CYP1B1: variants seen among roughly 807,000 people sequenced by gnomAD.
CYP1B1 encodes cytochrome P450 1B1.
Under a neutral mutation model 29.9 loss-of-function variants are expected in CYP1B1, and 22 were observed. The ratio of observed to expected loss-of-function variants is 0.74; its 90% CI spans 0.53 to 1.05. CYP1B1 has a LOEUF of 1.05. CYP1B1 is among the 50% of genes least tolerant of loss of function. The pLI is 0.00. For missense variants in CYP1B1, 883 were observed against 746.9 expected (o/e 1.18, Z -2.12); for synonymous variants, 375 against 320.0 (o/e 1.17, Z -1.83).
rs1048169107 is a variant in CYP1B1 at position 38,067,934 on chromosome 2, A to C, written c.*2788T>G. ...CTGCTATGCAACTATTTGATCTAAT[A>C]TAGATCTACTAGGAAAATATTAAGG... On this transcript the variant is annotated 3_prime_UTR_variant, in exon 3 of 3. Transcript: ENST00000610745. The C allele has an allele frequency of 1.6e-5, 3 of 192,578 alleles. No homozygotes were observed. The highest frequency in any genetic ancestry group is 7.0e-5 in the African/African-American group (3 of 43,162). The allele number at this position is 192,578 out of a possible 1,614,324, so 11.9% of individuals were successfully genotyped here. A position where few individuals can be genotyped will look rare whatever the true frequency, so the allele number is the denominator to read the frequency against.
At position 38,074,916 on chromosome 2, in the gene CYP1B1, C is replaced by T; in HGVS notation, c.473G>A (p.Arg158His). ...AHSMMRNFFT[R>H]QPRSRQVLEG... ...GAGGACTTGGCGGCTGCGCGGCTGGCGCGTGAAGAAGTTGCGCATCATGCT... is the reference window on the plus strand; with the variant it reads ...GAGGACTTGGCGGCTGCGCGGCTGGTGCGTGAAGAAGTTGCGCATCATGCT... Residue 158 changes from arginine (R) to histidine (H), a missense_variant, in exon 2 of 3, where the codon CGC becomes CAC. Coordinates refer to ENST00000610745, the MANE Select transcript of CYP1B1 (RefSeq NM_000104.4). 1.3e-6 allele frequency: 2 copies of T among 1,556,340 alleles called. No individual in the cohort carries two copies. Among genetic ancestry groups the T allele is most frequent in the Non-Finnish European group, 8.6e-7 (1 of 1,156,380 alleles).
At chr2:38,071,462 A>C in intron 2 of CYP1B1, 152 bp from the exon 3 acceptor site, 1 of 757,004 alleles carries the variant, frequency 1.3e-6, no homozygotes, top group Non-Finnish European at 2.3e-6. Context: ...AAAAAATCTA[A>C]AACAGCTTCC....
At chr2:38,072,458 A>T (rs951511384) in intron 2 of CYP1B1, among the ~76,000 whole-genome samples, 1 of 152,234 alleles carries the variant, frequency 6.6e-6, no homozygotes, top group African/African-American at 2.4e-5. Context: ...ATAACTATAC[A>T]TTATCATAGC....
chr2:38,070,572 A>T lies in CYP1B1; in HGVS notation c.*150T>A, dbSNP rs1682406985. The T allele has an allele frequency of 2.7e-6, 2 of 739,164 alleles. No individual in the cohort carries two copies. The highest frequency in any genetic ancestry group is 4.4e-5 in the Admixed American group (2 of 45,920). The allele number at this position is 739,164 out of a possible 1,614,324, so 45.8% of individuals were successfully genotyped here. A position where few individuals can be genotyped will look rare whatever the true frequency, so the allele number is the denominator to read the frequency against. On this transcript the variant is annotated 3_prime_UTR_variant, in exon 3 of 3. Coordinates refer to ENST00000610745, the MANE Select transcript of CYP1B1 (RefSeq NM_000104.4). ...ACTCATGAAGAACCGCTGGGTATGGAGCACACCTCACCTGATGGACAGTTG... is the reference window on the plus strand; with the variant it reads ...ACTCATGAAGAACCGCTGGGTATGGTGCACACCTCACCTGATGGACAGTTG...
rs1286605019 is a variant in CYP1B1, at chr2:38,070,640, G to C, written c.*82C>G. ...ACGCTAATTGAGAAGCAGCACAAAA[G>C]AGGAACTGGAAAAAAACTGAATTTT... On this transcript the variant is annotated 3_prime_UTR_variant, in exon 3 of 3. Transcript: ENST00000610745. 22 of 1,218,694 alleles carry C rather than the reference G, an allele frequency of 1.8e-5. No homozygotes were observed. The Admixed American group carries it at 3.2e-4, about 18-fold the overall frequency. 75.5% of individuals were successfully genotyped at this position (1,218,694 alleles called of 1,614,324 possible).
At chr2:38,071,394 A>G (rs1682431529) in intron 2 of CYP1B1, 84 bp from the exon 3 acceptor site, 2 of 1,315,502 alleles carry the variant, frequency 1.5e-6, no homozygotes, top group Admixed American at 3.9e-5. Flanking sequence ...ATTTATTTTA[A>G]TTCCACTTTT....
Position 38,075,095 on chromosome 2 carries a change from A to G in CYP1B1, c.294T>C (p.Asn98=), listed in dbSNP as rs781037234. The change falls in exon 2 of 3, where the codon AAT becomes AAC. Residue 98 remains asparagine (N), a synonymous_variant. Transcript: ENST00000610745. ...RLGSCPIVVL[N]GERAIHQALV... is the part of the protein sequence containing the mutation. ...GGGCCTGGTGGATGGCGCGCTCGCC[A>G]TTCAGCACCACTATGGGGCAGCTGC... is the stretch of plus-strand genomic sequence containing the variant. 14 of 1,580,862 alleles carry G rather than the reference A, an allele frequency of 8.9e-6. No individual in the cohort carries two copies. Among genetic ancestry groups the G allele is most frequent in the Non-Finnish European group, 1.1e-5 (13 of 1,171,316 alleles).
At position 38,071,099 on chromosome 2, in the gene CYP1B1, C is replaced by T. The variant is rs771894894; in HGVS notation, c.1255G>A (p.Val419Met). The part of the protein sequence containing the change: ...VLGYHIPKDT[V>M]VFVNQWSVNH... ...ACAGACCACTGGTTGACAAAAACCA[C>T]AGTGTCCTTGGGAATGTGGTAGCCC... The change falls in exon 3 of 3, where the codon GTG (valine) becomes ATG (methionine). Residue 419 changes from valine to methionine, a missense_variant. Transcript: ENST00000610745. 1 of 1,612,696 alleles carries T rather than the reference C, an allele frequency of 6.2e-7. No individual in the cohort carries two copies. Among genetic ancestry groups the T allele is most frequent in the Non-Finnish European group, 8.5e-7 (1 of 1,178,752 alleles).
rs780644750 is a variant in CYP1B1, at chr2:38,070,833, A to G, written c.1521T>C (p.Tyr507=). The G allele has an allele frequency of 8.7e-6, 14 of 1,614,116 alleles. No individual in the cohort carries two copies. The highest frequency in any genetic ancestry group is 1.3e-5 in the African/African-American group (1 of 74,952). Reference sequence around the variant, plus strand: ...ATGACTTGGGTTTAATGGTTAGACCATAACTGAAATTCATTTTCGCAGGCT... The same window carrying G: ...ATGACTTGGGTTTAATGGTTAGACCGTAACTGAAATTCATTTTCGCAGGCT... ...PNEPAKMNFS[Y]GLTIKPKSFK... is the part of the protein sequence containing the mutation. Residue 507 remains tyrosine, a synonymous_variant, in exon 3 of 3, where the codon TAT becomes TAC. Coordinates refer to ENST00000610745, the MANE Select transcript of CYP1B1 (RefSeq NM_000104.4).
intron 2 of CYP1B1, among the ~76,000 whole-genome samples, chr2:38,072,012 A>G (rs1385385986): frequency 1.3e-5 from 2 of 152,220 alleles, no homozygotes; most frequent in East Asian, 1.9e-4. Flanking sequence ...CAAATACCCA[A>G]TGTTCATAAA....
In CYP1B1 at chr2:38,072,978, C is replaced by T. The variant is rs553107944; in HGVS notation, c.1043+1368G>A. ...CTTTTTGCCGCCTAATTGGAGTACT[C>T]GGAGAACTATTGTGGTTCTAATGAA... On this transcript the variant is annotated intron_variant, in intron 2 of 2. Transcript: ENST00000610745. Among the ~76,000 whole-genome samples, 3 of 152,276 alleles carry T rather than the reference C, an allele frequency of 2.0e-5. No homozygotes were observed. The South Asian group carries it at 6.2e-4, about 32-fold the overall frequency.
At chr2:38,072,745 T>C (rs1429344330) in intron 2 of CYP1B1, among the ~76,000 whole-genome samples, 2 of 152,220 alleles carry the variant, frequency 1.3e-5, no homozygotes, top group African/African-American at 2.4e-5. Flanking sequence ...CAAACCCTCT[T>C]TGTTGCACTA....
chr2:38,074,865 C>A lies in CYP1B1; in HGVS notation c.524G>T (p.Arg175Leu). Reference protein sequence around the residue: ...VLEGHVLSEARELVALLVRGS... With the variant: ...VLEGHVLSEALELVALLVRGS... ...GCGCACCAGCAGCGCCACCAGCTCGCGCGCCTCGCTCAGCACGTGGCCCTC... is the reference window on the plus strand; with the variant it reads ...GCGCACCAGCAGCGCCACCAGCTCGAGCGCCTCGCTCAGCACGTGGCCCTC... Residue 175 changes from arginine (R) to leucine (L), a missense_variant, in exon 2 of 3, where the codon CGC becomes CTC. Transcript: ENST00000610745. 6.4e-7 allele frequency: 1 copy of A among 1,554,502 alleles called. No homozygotes were observed. The highest frequency in any genetic ancestry group is 8.7e-7 in the Non-Finnish European group (1 of 1,151,230).
chr2:38,073,769 C>G (rs1329625926), intron 2 of CYP1B1: 2 of 154,052 alleles, frequency 1.3e-5, no homozygotes, highest in African/African-American at 4.8e-5. Flanking sequence ...TAGCGCTGCC[C>G]GCTAGTTGTG....
intron 1 of CYP1B1, 133 bp from the exon 2 acceptor site, chr2:38,075,522 G>A: frequency 1.2e-6 from 1 of 864,526 alleles, no homozygotes; most frequent in African/African-American, 1.6e-5. Flanking sequence ...CTGGAGAAAT[G>A]GCCGAAGACG....
rs747181523 is a variant in CYP1B1 at position 38,070,871 on chromosome 2, C to T, written c.1483G>A (p.Ala495Thr). 3 of 1,614,060 alleles carry T rather than the reference C, an allele frequency of 1.9e-6. No individual in the cohort carries two copies. The highest frequency in any genetic ancestry group is 1.6e-4 in the Middle Eastern group (1 of 6,062). Residue 495 changes from alanine to threonine, a missense_variant, in exon 3 of 3, where the codon GCC (alanine) becomes ACC (threonine). Coordinates refer to ENST00000610745, the MANE Select transcript of CYP1B1 (RefSeq NM_000104.4). ...ATTTTCGCAGGCTCATTTGGGTTGG[C>T]CCTGAAATCGCACTGGTGAGCCAGG... ...SILAHQCDFR[A>T]NPNEPAKMNF...
At position 38,074,379 on chromosome 2, in the gene CYP1B1, G is replaced by A. The variant is rs1432705914; in HGVS notation, c.1010C>T (p.Thr337Ile). The A allele has an allele frequency of 5.0e-6, 8 of 1,613,636 alleles. 1 individual carries two copies. Among genetic ancestry groups the A allele is most frequent in the African/African-American group, 4.0e-5 (3 of 75,076 alleles). The change falls in exon 2 of 3, where the codon ACC becomes ATC. Residue 337 changes from threonine to isoleucine, a missense_variant. By Grantham distance (89) the Thr-to-Ile change is moderately conservative. Transcript: ENST00000610745. ...IFGASQDTLS[T>I]ALQWLLLLFT... ...GAGGAGGAGCAGCCACTGCAGCGCG[G>A]TGGACAGGGTGTCCTGGCTGGCGCC...
In CYP1B1 at chr2:38,075,397, CAG is replaced by C. The variant is rs757014306; in HGVS notation, c.-1-10_-1-9del. Reference sequence around the variant, plus strand: ...CTGAGGCTGGTGCCCATGCTGGGGACAGAGAGGAGAAGGCGTGACACTCAGGG... The same window carrying C: ...CTGAGGCTGGTGCCCATGCTGGGGACAGAGGAGAAGGCGTGACACTCAGGG... On this transcript the variant is annotated splice_polypyrimidine_tract_variant and intron_variant, in intron 1 of 2. Coordinates refer to ENST00000610745, the MANE Select transcript of CYP1B1 (RefSeq NM_000104.4). 7.1e-5 allele frequency: 114 copies of C among 1,611,334 alleles called. No homozygotes were observed. In the South Asian group the frequency reaches 1.2e-3, roughly 17 times the overall value.
intron 2 of CYP1B1, 46 bp from the exon 3 acceptor site, chr2:38,071,356 TC>T (rs1308509314): frequency 3.3e-6 from 5 of 1,524,772 alleles, no homozygotes; most frequent in Non-Finnish European, 4.5e-6. Flanking sequence ...TGAGCAAAAT[TC>T]TTATTTCATC....
Sources: gnomAD v4.1 joint callset for allele counts (sites outside exome capture counted in the v4.1 genomes callset) on GRCh38, gnomAD v4.1.1 for gene constraint, MANE v1.5 for transcripts, NCBI Gene and HGNC (gene_info 2026-07-23, HGNC 2026-07-21) for gene names.